The following LCTL variants were observed in gnomAD, a reference collection of about 807,000 sequenced individuals.
LCTL encodes the protein lactase like, also known as lactase-like protein.
Under a neutral mutation model 75.8 loss-of-function variants are expected in LCTL, and 76 were observed. The ratio of observed to expected loss-of-function variants is 1.00; its 90% CI spans 0.83 to 1.21. The LOEUF is 1.21. LCTL is among the 50% of genes most tolerant of loss of function. The pLI, the probability that LCTL is intolerant of heterozygous loss-of-function variation, is 0.00. For missense variants in LCTL, 670 were observed against 712.4 expected (o/e 0.94, Z 0.68); for synonymous variants, 271 against 268.8 (o/e 1.01, Z -0.08).
intron 2 of LCTL, 90 bp downstream of exon 3, chr15:66,564,586 C>T: frequency 6.9e-7 from 1 of 1,439,750 alleles, no homozygotes. Flanking sequence ...CAGAGCTCCC[C>T]CAAACGTCAC....
chr15:66,564,645 G>GCT (rs780045918), intron 2 of LCTL, 31 bp downstream of exon 3: 28 of 1,577,630 alleles, frequency 1.8e-5, no homozygotes, highest in East Asian at 1.1e-4. Flanking sequence ...GCACGCGCGC[G>GCT]CACACACACA....
chr15:66,561,845 T>C (rs1193700986), intron 4 of LCTL, among the ~76,000 whole-genome samples: 1 of 152,126 alleles, frequency 6.6e-6, no homozygotes, highest in Non-Finnish European at 1.5e-5. Context: ...TAGAGGACTC[T>C]GGTAGCTCCC....
exon 13 of LCTL, chr15:66,548,357 C>G: frequency 4.3e-6 from 2 of 467,910 alleles, no homozygotes; most frequent in Non-Finnish European, 7.6e-6. Context: ...CCAGCACAAG[C>G]CAAAAAGAGA....
chr15:66,565,751 A>C (rs1595713559), upstream of LCTL: 3 of 185,006 alleles, frequency 1.6e-5, no homozygotes, highest in Non-Finnish European at 3.3e-5. Context: ...CGACACGCAG[A>C]CCCCTCCCCC....
intron 2 of LCTL, 83 bp downstream of exon 3, chr15:66,564,590 ACGT>A: frequency 6.9e-7 from 1 of 1,457,330 alleles, no homozygotes; most frequent in East Asian, 2.4e-5. Flanking sequence ...GCTCCCCCAA[ACGT>A]CACTCCCTGC....
Position 66,564,678 on chromosome 15 carries a change from G to A in LCTL, c.280C>T (p.Gln94Ter). The A allele has an allele frequency of 1.2e-6, 2 of 1,611,688 alleles. No individual in the cohort carries two copies. Among genetic ancestry groups the A allele is most frequent in the Non-Finnish European group, 1.7e-6 (2 of 1,179,932 alleles). ...ACACACTCACACCCCGCACTCACCT[G>A]GACCTTGTAGTAGCCGTCACAGGCT... Residue 94 changes from glutamine (Q) to a stop codon, truncating the protein, a stop_gained and splice_region_variant, in exon 2 of 13, where the codon CAG becomes TAG. Coordinates refer to ENST00000341509, the Ensembl canonical transcript of LCTL. LOFTEE classifies it high-confidence loss of function.
rs75447622 is a variant in LCTL, at chr15:66,563,758, A to T, written c.371-133T>A. ...ACCCTCAGCCCACCAGCATTCTGGGAGCCCAGTTACCTGCAGAACCTGTGA... is the reference window on the plus strand; with the variant it reads ...ACCCTCAGCCCACCAGCATTCTGGGTGCCCAGTTACCTGCAGAACCTGTGA... On this transcript the variant is annotated intron_variant, in intron 3 of 12. Transcript: ENST00000341509. 3.2e-3 allele frequency: 2,684 copies of T among 842,080 alleles called. 47 individuals carry two copies. The African/African-American group carries it at 0.041, about 13-fold the overall frequency. The allele number at this position is 842,080 out of a possible 1,614,324, so 52.2% of individuals were successfully genotyped here.
exon 10 of LCTL, chr15:66,552,070 T>C: frequency 6.2e-7 from 1 of 1,612,722 alleles, no homozygotes; most frequent in African/African-American, 1.3e-5. Flanking sequence ...ATGTATCCTT[T>C]AAGGTATTGA....
intron 8 of LCTL, among the ~76,000 whole-genome samples, chr15:66,555,856 T>G (rs1018552159): frequency 1.3e-5 from 2 of 152,184 alleles, no homozygotes; most frequent in African/African-American, 2.4e-5. Flanking sequence ...GGCAAAGAAC[T>G]TGAATTGGCA....
At chr15:66,564,745 G>C in exon 2 of LCTL, 1 of 1,613,354 alleles carries the variant, frequency 6.2e-7, no homozygotes, top group Non-Finnish European at 8.5e-7. Flanking sequence ...CCTTCCCACT[G>C]TGTGTGAAGA....
chr15:66,560,207 C>A (rs1895852553), intron 6 of LCTL, among the ~76,000 whole-genome samples: 1 of 152,108 alleles, frequency 6.6e-6, no homozygotes, highest in South Asian at 2.1e-4. Flanking sequence ...TCTGGAATGT[C>A]ACCCAGTGGT....
rs144206523 is a variant in LCTL, at chr15:66,561,044, C to A, written c.667G>T (p.Gly223Cys). Reference sequence around the variant, plus strand: ...TGTGCTGCCTTGTACAGGCCGGTGCCGCGGAGCTTCAGGCCCGGCGCATGG... The same window carrying A: ...TGTGCTGCCTTGTACAGGCCGGTGCAGCGGAGCTTCAGGCCCGGCGCATGG... Residue 223 changes from glycine to cysteine, a missense_variant, in exon 6 of 13, where the codon GGC (glycine) becomes TGC (cysteine). Coordinates refer to ENST00000341509, the Ensembl canonical transcript of LCTL. The A allele has an allele frequency of 2.5e-6, 4 of 1,614,036 alleles. No individual in the cohort carries two copies. The East Asian group carries it at 6.7e-5, about 27-fold the overall frequency.
chr15:66,554,780 G>A (rs1211032376), intron 8 of LCTL, among the ~76,000 whole-genome samples: 4 of 152,038 alleles, frequency 2.6e-5, no homozygotes, highest in East Asian at 1.9e-4. Flanking sequence ...TTTCTATAGC[G>A]ATGTGGAAAG....
At chr15:66,558,064 G>C (rs959593830) in intron 6 of LCTL, 28 bp from the exon 8 acceptor site, 1 of 1,585,146 alleles carries the variant, frequency 6.3e-7, no homozygotes, top group Non-Finnish European at 8.6e-7. Flanking sequence ...ATTCATCGTA[G>C]GTACCTGGCC....
In LCTL at chr15:66,552,033, T is replaced by C; in HGVS notation, c.1324+10A>G. 1 of 1,606,338 alleles carries C rather than the reference T, an allele frequency of 6.2e-7. No homozygotes were observed. On this transcript the variant is annotated intron_variant, in intron 10 of 12. Transcript: ENST00000341509. ...GGGAAAACTGCAGACAATCTTGGTT[T>C]GTGTCTCACCTTTTAGCATTTCATT... is the stretch of plus-strand genomic sequence containing the variant.
rs1452242690 is a variant in LCTL at position 66,552,166 on chromosome 15, G to A, written c.1201C>T (p.Gln401Ter). Residue 401 changes from glutamine (Q) to a stop codon, truncating the protein, a stop_gained, in exon 10 of 13, where the codon CAA becomes TAA. Transcript: ENST00000341509. LOFTEE classifies it high-confidence loss of function. The stretch of plus-strand genomic sequence containing the variant: ...ACATATATGGGAGGATCACCGTATT[G>A]AGTCTGAAAGTGAGTCATAGCAACA... 4 of 1,604,202 alleles carry A rather than the reference G, an allele frequency of 2.5e-6. No homozygotes were observed. The highest frequency in any genetic ancestry group is 1.3e-5 in the African/African-American group (1 of 74,470).
Position 66,557,972 on chromosome 15 carries a change from C to T in LCTL, c.760+10G>A. Reference sequence around the variant, plus strand: ...GCTGTCCTGGGTACATGTGTGGGGCCACAGCTCACCTTGCTGCTTGCTGCG... The same window carrying T: ...GCTGTCCTGGGTACATGTGTGGGGCTACAGCTCACCTTGCTGCTTGCTGCG... On this transcript the variant is annotated intron_variant, in intron 7 of 12. Coordinates refer to ENST00000341509, the Ensembl canonical transcript of LCTL. 2 of 1,605,382 alleles carry T rather than the reference C, an allele frequency of 1.2e-6. No homozygotes were observed. Among genetic ancestry groups the T allele is most frequent in the Non-Finnish European group, 1.7e-6 (2 of 1,173,230 alleles).
intron 4 of LCTL, among the ~76,000 whole-genome samples, chr15:66,562,448 G>A (rs371050163): frequency 3.3e-5 from 5 of 151,866 alleles, no homozygotes; most frequent in Admixed American, 2.0e-4. Flanking sequence ...TTGAATCACA[G>A]TGACATAGTG....
At chr15:66,561,570 G>A (rs1222755116) in intron 4 of LCTL, among the ~76,000 whole-genome samples, 1 of 152,194 alleles carries the variant, frequency 6.6e-6, no homozygotes, top group Non-Finnish European at 1.5e-5. Flanking sequence ...ACACTCTGAT[G>A]AGGATTTTGA....
Sources: gnomAD v4.1 joint callset for allele counts (sites outside exome capture counted in the v4.1 genomes callset) on GRCh38, gnomAD v4.1.1 for gene constraint, MANE v1.5 for transcripts, NCBI Gene and HGNC (gene_info 2026-07-23, HGNC 2026-07-21) for gene names.